The following SYNE2 variants were observed in gnomAD, a reference collection of about 807,000 sequenced individuals.
SYNE2 encodes the protein spectrin repeat containing nuclear envelope protein 2, also known as nesprin-2.
A neutral mutation model predicts 856.3 loss-of-function variants in SYNE2; 431 were observed. The ratio of observed to expected loss-of-function variants is 0.50; its 90% CI spans 0.47 to 0.55. The LOEUF (loss-of-function observed/expected upper bound fraction) is 0.55. SYNE2 is among the 20% of genes least tolerant of loss of function. The pLI, the probability that SYNE2 is intolerant of heterozygous loss-of-function variation, is 0.00. For missense variants in SYNE2, 8,129 were observed against 8,023.2 expected (o/e 1.01, Z -0.50); for synonymous variants, 2,923 against 2,872.3 (o/e 1.02, Z -0.56).
rs548425233 is a variant in SYNE2, at chr14:64,070,651, C to T, written c.10438C>T (p.Arg3480Ter). 8 of 1,612,632 alleles carry T rather than the reference C, an allele frequency of 5.0e-6. No homozygotes were observed. The highest frequency in any genetic ancestry group is 1.1e-5 in the South Asian group (1 of 90,838). The change falls in exon 52 of 116, where the codon CGA becomes TGA. Residue 3480 changes from arginine (R) to a stop codon, truncating the protein, a stop_gained. Coordinates refer to ENST00000555002, the MANE Select transcript of SYNE2 (RefSeq NM_182914.3). LOFTEE classifies it high-confidence loss of function. The part of the protein sequence containing the change: ...EWKFVSEEIE[R>*]EAIILDNLQE... Reference sequence around the variant, plus strand: ...TTTTTGTTTTTTGAATTAGATTGAACGAGAGGCAATTATTTTAGATAATCT... The same window carrying T: ...TTTTTGTTTTTTGAATTAGATTGAATGAGAGGCAATTATTTTAGATAATCT...
intron 1 of SYNE2, among the ~76,000 whole-genome samples, chr14:63,807,740 C>T (rs1200633317): frequency 7.2e-6 from 1 of 139,674 alleles, no homozygotes; most frequent in Admixed American, 7.8e-5. Context: ...TCATGGCCTC[C>T]ACCTCCTGGG....
At chr14:63,803,466 C>G (rs1888238600) in intron 1 of SYNE2, among the ~76,000 whole-genome samples, 1 of 152,318 alleles carries the variant, frequency 6.6e-6, no homozygotes, top group Non-Finnish European at 1.5e-5. Context: ...TGGGCTGGCA[C>G]TGCTGGGGGA....
At chr14:64,132,196 T>G in intron 76 of SYNE2, 69 bp from the exon 77 acceptor site, 1 of 1,558,684 alleles carries the variant, frequency 6.4e-7, no homozygotes, top group Admixed American at 1.7e-5. Context: ...GATATAAAGT[T>G]GAAGTAACTT....
chr14:63,934,537 T>A (rs11158521), intron 2 of SYNE2, among the ~76,000 whole-genome samples: 83,655 of 150,418 alleles, frequency 0.56, 24,283 homozygotes, highest in Non-Finnish European at 0.63. Context: ...CATGTGCAAA[T>A]GAAATGACCC....
intron 1 of SYNE2, among the ~76,000 whole-genome samples, chr14:63,837,066 G>T (rs1473979022): frequency 6.6e-6 from 1 of 152,200 alleles, no homozygotes. Context: ...AACAAGAAAT[G>T]CTAAGGGAAA....
intron 52 of SYNE2, among the ~76,000 whole-genome samples, chr14:64,073,357 CTG>C (rs2097428377): frequency 6.6e-6 from 1 of 152,098 alleles, no homozygotes; most frequent in Non-Finnish European, 1.5e-5. Flanking sequence ...CTTAGGAGCT[CTG>C]TGTCAGGAAC....
intron 1 of SYNE2, among the ~76,000 whole-genome samples, chr14:63,905,742 AAG>A (rs2095401319): frequency 6.6e-6 from 1 of 152,188 alleles, no homozygotes; most frequent in South Asian, 2.1e-4. Context: ...ATCATCAGCA[AAG>A]AGAGATTGTT....
chr14:64,195,040 C>T (rs1567610067), intron 99 of SYNE2, among the ~76,000 whole-genome samples: 1 of 152,188 alleles, frequency 6.6e-6, no homozygotes, highest in Non-Finnish European at 1.5e-5. Context: ...ACAGGTGGGG[C>T]TGTGTCTTCA....
At position 63,988,866 on chromosome 14, in the gene SYNE2, T is replaced by C. The variant is rs529673136; in HGVS notation, c.2314-1545T>C. Among the ~76,000 whole-genome samples, 97 of 152,310 alleles carry C rather than the reference T, an allele frequency of 6.4e-4. 1 individual carries two copies. Among genetic ancestry groups the C allele is most frequent in the Non-Finnish European group, 1.1e-3 (73 of 68,032 alleles). On this transcript the variant is annotated intron_variant, in intron 19 of 115. Transcript: ENST00000555002. The stretch of plus-strand genomic sequence containing the variant: ...ACAGCACAGGAAAGATCTGCCCTCA[T>C]GATTCAATTACCTCTCACCGGGTGT...
chr14:63,908,147 C>T (rs1398399281), intron 1 of SYNE2, among the ~76,000 whole-genome samples: 1 of 151,928 alleles, frequency 6.6e-6, no homozygotes, highest in African/African-American at 2.4e-5. Flanking sequence ...CTTTTAGTTC[C>T]ACGCCGCCCC....
Position 63,976,497 on chromosome 14 carries a change from A to G in SYNE2, c.1129-66A>G, listed in dbSNP as rs1396271774. 7.9e-6 allele frequency: 12 copies of G among 1,516,394 alleles called. No individual in the cohort carries two copies. In the Admixed American group the frequency reaches 1.2e-4, roughly 15 times the overall value. 93.9% of individuals were successfully genotyped at this position (1,516,394 alleles called of 1,614,324 possible). A position where few individuals can be genotyped will look rare whatever the true frequency, so the allele number is the denominator to read the frequency against. ...AACTTCAAAGAATCAAACATACTGT[A>G]TGTGAAGAAATAAACTAGAAAAGTT... is the stretch of plus-strand genomic sequence containing the variant. On this transcript the variant is annotated intron_variant, in intron 11 of 115. Transcript: ENST00000555002.
chr14:64,088,560 C>T (rs1322881628), intron 58 of SYNE2, among the ~76,000 whole-genome samples: 1 of 152,174 alleles, frequency 6.6e-6, no homozygotes, highest in Admixed American at 6.5e-5. Flanking sequence ...AATGTGAGCA[C>T]AGGAGTTTGA....
chr14:64,022,753 C>T lies in SYNE2; in HGVS notation c.5527C>T (p.Gln1843Ter), dbSNP rs1229895706. Residue 1843 changes from glutamine (Q) to a stop codon, truncating the protein, a stop_gained and splice_region_variant, in exon 38 of 116, where the codon CAA becomes TAA. Transcript: ENST00000555002. LOFTEE classifies it high-confidence loss of function. ...QDHFSKLLND[Q>*]CKNFNDWFSN... ...GAGCTTTTTTTTTCCCCCTGCAGAT[C>T]AATGCAAGAACTTTAATGACTGGTT... 2 of 1,541,784 alleles carry T rather than the reference C, an allele frequency of 1.3e-6. No homozygotes were observed. Among genetic ancestry groups the T allele is most frequent in the Non-Finnish European group, 1.8e-6 (2 of 1,116,162 alleles).
At chr14:63,885,410 C>T (rs1443212870) in intron 1 of SYNE2, among the ~76,000 whole-genome samples, 3 of 152,148 alleles carry the variant, frequency 2.0e-5, no homozygotes, top group Non-Finnish European at 2.9e-5. Context: ...AGGTGGGGAG[C>T]ACAGGCAATC....
In SYNE2 at chr14:64,016,605, A is replaced by C. The variant is rs746284520; in HGVS notation, c.4861A>C (p.Asn1621His). Residue 1621 changes from asparagine to histidine, a missense_variant, in exon 33 of 116, where the codon AAT (asparagine) becomes CAT (histidine). Asn to His is a moderately conservative substitution (Grantham distance 68). This residue lies in a region of SYNE2 where 2,422 missense variants were observed against 2,357.4 expected (regional missense o/e 1.03). Transcript: ENST00000555002. Reference sequence around the variant, plus strand: ...AGAGCCCCCTTTTGAAAAAGAGGCTAATATTATTGTGGATAGATGGCTTGA... The same window carrying C: ...AGAGCCCCCTTTTGAAAAAGAGGCTCATATTATTGTGGATAGATGGCTTGA... ...FEEPPFEKEA[N>H]IIVDRWLDIN... The C allele has an allele frequency of 5.6e-6, 9 of 1,597,426 alleles. No individual in the cohort carries two copies. Among genetic ancestry groups the C allele is most frequent in the Non-Finnish European group, 7.7e-6 (9 of 1,168,924 alleles).
intron 76 of SYNE2, among the ~76,000 whole-genome samples, chr14:64,130,692 C>G (rs576662503): frequency 6.6e-6 from 1 of 152,096 alleles, no homozygotes; most frequent in Non-Finnish European, 1.5e-5. Context: ...CGAGACCAGC[C>G]TGGCCAACAT....
intron 1 of SYNE2, among the ~76,000 whole-genome samples, chr14:63,823,590 C>T (rs1025822257): frequency 6.6e-6 from 1 of 151,380 alleles, no homozygotes; most frequent in Non-Finnish European, 1.5e-5. Flanking sequence ...ATACTGTTAT[C>T]AAGACCAGAC....
intron 6 of SYNE2, among the ~76,000 whole-genome samples, chr14:63,942,594 C>T (rs1364284851): frequency 1.3e-5 from 2 of 151,966 alleles, no homozygotes; most frequent in Non-Finnish European, 1.5e-5. Context: ...CTCCCAGGTT[C>T]GAGTGATTCT....
intron 2 of SYNE2, among the ~76,000 whole-genome samples, chr14:63,914,858 G>A (rs141466544): frequency 1.3e-5 from 2 of 152,262 alleles, no homozygotes; most frequent in East Asian, 3.9e-4. Flanking sequence ...GCCCACTGCA[G>A]CCTCCACCTC....
Sources: gnomAD v4.1 joint callset for allele counts (sites outside exome capture counted in the v4.1 genomes callset) on GRCh38, gnomAD v4.1.1 for gene constraint, gnomAD v4.1.1 regional missense constraint, MANE v1.5 for transcripts, NCBI Gene and HGNC (gene_info 2026-07-23, HGNC 2026-07-21) for gene names.